The following SUCO variants were observed in gnomAD, a reference collection of about 807,000 sequenced individuals.
SUCO encodes the protein SUN domain containing ossification factor, also known as SUN domain-containing ossification factor.
In SUCO, 57 loss-of-function variants were observed where a neutral mutation model predicts 148.1. That is an observed-to-expected ratio of 0.38 (90% confidence interval 0.31 to 0.48). The LOEUF is 0.48. SUCO is among the 20% of genes least tolerant of loss of function. SUCO has a pLI of 0.96. For missense variants in SUCO, 1,331 were observed against 1,468.2 expected, an observed-to-expected ratio of 0.91 and a Z score of 1.53; for synonymous variants, 470 against 502.7, an observed-to-expected ratio of 0.93 and a Z score of 0.87.
intron 1 of SUCO, 25 bp from the exon 2 acceptor site, chr1:172,551,487 G>A: frequency 7.2e-7 from 1 of 1,385,852 alleles, no homozygotes; most frequent in Non-Finnish European, 1.0e-6. Flanking sequence ...TTTTCTGTTT[G>A]TTGGTGGTGG....
chr1:172,587,294 T>A (rs932775763), intron 17 of SUCO, among the ~76,000 whole-genome samples: 3 of 152,086 alleles, frequency 2.0e-5, no homozygotes, highest in Non-Finnish European at 4.4e-5. Context: ...AATGAAGGAA[T>A]CCATGATAGG....
rs372849501 is a variant in SUCO, at chr1:172,583,095, A to G, written c.1499-1923A>G. ...GCAGTCAGTTTTGACTATAGGTGGCAGTGTAGGTGGGGCATCATAAATAAT... is the reference window on the plus strand; with the variant it reads ...GCAGTCAGTTTTGACTATAGGTGGCGGTGTAGGTGGGGCATCATAAATAAT... On this transcript the variant is annotated intron_variant, in intron 15 of 23. Coordinates refer to ENST00000263688, the MANE Select transcript of SUCO (RefSeq NM_014283.5). 5.4e-4 allele frequency among the ~76,000 whole-genome samples: 82 copies of G among 152,282 alleles called. 1 individual carries two copies. In the South Asian group the frequency reaches 0.017, roughly 31 times the overall value.
At chr1:172,533,575 C>A in intron 1 of SUCO, 78 bp downstream of exon 1, 1 of 1,438,928 alleles carries the variant, frequency 6.9e-7, no homozygotes, top group South Asian at 1.5e-5. Flanking sequence ...ACCCCCTGGT[C>A]ATTTTGGCTT....
At chr1:172,550,101 G>C (rs186326192) in intron 1 of SUCO, among the ~76,000 whole-genome samples, 1 of 151,696 alleles carries the variant, frequency 6.6e-6, no homozygotes, top group African/African-American at 2.4e-5. Context: ...CACCCTGGGG[G>C]TTTCCTTTGC....
chr1:172,600,960 G>T (rs942869089), intron 20 of SUCO, among the ~76,000 whole-genome samples: 1 of 152,214 alleles, frequency 6.6e-6, no homozygotes, highest in Admixed American at 6.5e-5. Flanking sequence ...GAGTGAGTGA[G>T]AAAAGTGAAG....
At chr1:172,608,883 AT>A in intron 23 of SUCO, 81 bp downstream of exon 23, 1 of 953,186 alleles carries the variant, frequency 1.0e-6, no homozygotes, top group Non-Finnish European at 1.6e-6. Context: ...GTTTAAGGTA[AT>A]TACCTTTAAG....
At chr1:172,600,546 C>T (rs1657430969) in intron 20 of SUCO, among the ~76,000 whole-genome samples, 2 of 152,030 alleles carry the variant, frequency 1.3e-5, no homozygotes, top group South Asian at 4.2e-4. Flanking sequence ...ATGTGAAGTG[C>T]GAGCTGTACA....
chr1:172,577,619 A>T, intron 12 of SUCO, 60 bp downstream of exon 12: 1 of 1,595,470 alleles, frequency 6.3e-7, no homozygotes, highest in Non-Finnish European at 8.5e-7. Context: ...AATGCATTAC[A>T]AAAACTTTAC....
At chr1:172,557,610 C>A in intron 5 of SUCO, 34 bp from the exon 6 acceptor site, 1 of 1,539,710 alleles carries the variant, frequency 6.5e-7, no homozygotes, top group Non-Finnish European at 8.7e-7. Context: ...CCAGTAAAAT[C>A]TGTTTATTTA....
At chr1:172,578,501 C>G (rs976536105) in intron 14 of SUCO, 112 bp downstream of exon 14, 2 of 1,379,782 alleles carry the variant, frequency 1.4e-6, no homozygotes, top group African/African-American at 3.0e-5. Context: ...TGTCTTCAGG[C>G]TTTTGTTTTG....
chr1:172,534,816 T>C (rs1651892398), intron 1 of SUCO, among the ~76,000 whole-genome samples: 1 of 152,240 alleles, frequency 6.6e-6, no homozygotes, highest in Non-Finnish European at 1.5e-5. Flanking sequence ...GTTATATTTG[T>C]AGACTGTGTA....
chr1:172,583,199 G>A (rs2149256030), intron 15 of SUCO, among the ~76,000 whole-genome samples: 1 of 152,084 alleles, frequency 6.6e-6, no homozygotes, highest in South Asian at 2.1e-4. Context: ...TGGTTTATGA[G>A]GGAATACGGA....
chr1:172,551,997 CT>C (rs1653341298), intron 2 of SUCO: 1 of 153,698 alleles, frequency 6.5e-6, no homozygotes, highest in Admixed American at 6.5e-5. Context: ...CAGTCAGTGG[CT>C]TTGTAGTTTG....
intron 15 of SUCO, among the ~76,000 whole-genome samples, chr1:172,582,785 G>A (rs1182042125): frequency 6.6e-6 from 1 of 152,060 alleles, no homozygotes; most frequent in Non-Finnish European, 1.5e-5. Context: ...GGTTAAATGG[G>A]CTGAGAAGAA....
Position 172,533,363 on chromosome 1 carries a change from C to G in SUCO, c.-73C>G, listed in dbSNP as rs1226435978. 6 of 1,551,844 alleles carry G rather than the reference C, an allele frequency of 3.9e-6. No individual in the cohort carries two copies. In the Admixed American group the frequency reaches 1.2e-4, roughly 30 times the overall value. On this transcript the variant is annotated 5_prime_UTR_variant, in exon 1 of 24. Transcript: ENST00000263688. ...TTCTCGCGCTCCTGCTCCGGCTCCT[C>G]CATCTTGGCCTCGGCAGTGGCGGCT...
At chr1:172,549,457 AAAC>A (rs1653114357) in intron 1 of SUCO, among the ~76,000 whole-genome samples, 1 of 151,982 alleles carries the variant, frequency 6.6e-6, no homozygotes. Flanking sequence ...GTATGATAAA[AAAC>A]AATGGTTAAA....
chr1:172,552,411 A>G (rs1294964908), intron 2 of SUCO, among the ~76,000 whole-genome samples: 1 of 151,878 alleles, frequency 6.6e-6, no homozygotes, highest in African/African-American at 2.4e-5. Flanking sequence ...TATATTCTGA[A>G]TGGCTGCATT....
At chr1:172,608,697 C>T in intron 22 of SUCO, 50 bp from the exon 23 acceptor site, 3 of 1,262,072 alleles carry the variant, frequency 2.4e-6, no homozygotes, top group Non-Finnish European at 3.4e-6. Context: ...AGCAAATCCA[C>T]CAAATCCACT....
At chr1:172,596,746 TGAG>T (rs1657129249) in intron 19 of SUCO, among the ~76,000 whole-genome samples, 1 of 152,190 alleles carries the variant, frequency 6.6e-6, no homozygotes, top group South Asian at 2.1e-4. Context: ...GGGACCCACT[TGAG>T]GAGGCAGTCT....
Sources: allele counts gnomAD v4.1 joint callset (sites outside exome capture counted in the v4.1 genomes callset), GRCh38; gene constraint gnomAD v4.1.1; transcripts MANE v1.5; gene names NCBI Gene and HGNC (gene_info 2026-07-23, HGNC 2026-07-21).